Variants in CDH12 observed in about 807,000 individuals in gnomAD.
CDH12 encodes the protein cadherin-12.
In CDH12, 41 loss-of-function variants were observed where a neutral mutation model predicts 74.1. That is an observed-to-expected ratio of 0.55 (90% CI 0.43 to 0.72). The LOEUF is 0.72. CDH12 is among the 30% of genes least tolerant of loss of function. The pLI is 0.00. For synonymous variants in CDH12, 399 were observed against 355.0 expected, an observed-to-expected ratio of 1.12 and a Z score of -1.39; for missense variants, 945 against 977.2, an observed-to-expected ratio of 0.97 and a Z score of 0.44.
intron 1 of CDH12, among the ~76,000 whole-genome samples, chr5:22,721,585 G>A (rs1271157762): frequency 6.6e-6 from 1 of 152,152 alleles, no homozygotes; most frequent in Non-Finnish European, 1.5e-5. Flanking sequence ...TGAGACTTTG[G>A]AGGACTGTTG....
intron 1 of CDH12, among the ~76,000 whole-genome samples, chr5:22,818,464 C>T (rs563854881): frequency 6.6e-6 from 1 of 152,164 alleles, no homozygotes; most frequent in East Asian, 1.9e-4. Context: ...AAACAGTGTG[C>T]TTATTTTCCC....
chr5:21,832,919 A>G (rs56340265), intron 8 of CDH12, among the ~76,000 whole-genome samples: 8 of 65,700 alleles, frequency 1.2e-4, no homozygotes, highest in African/African-American at 6.6e-4. Flanking sequence ...ATATAATATT[A>G]ATATATATCA....
chr5:22,270,270 T>C (rs1288240237), intron 3 of CDH12, among the ~76,000 whole-genome samples: 3 of 152,168 alleles, frequency 2.0e-5, no homozygotes, highest in Non-Finnish European at 4.4e-5. Flanking sequence ...ACTTGAAGTA[T>C]AGTTTATGCC....
chr5:21,762,133 T>G (rs1744760748), intron 12 of CDH12, among the ~76,000 whole-genome samples: 1 of 152,192 alleles, frequency 6.6e-6, no homozygotes, highest in Non-Finnish European at 1.5e-5. Flanking sequence ...GTTATCCTTC[T>G]GTTATAAACT....
chr5:22,026,789 C>T lies in CDH12; in HGVS notation c.232-51404G>A, dbSNP rs139898846. On this transcript the variant is annotated intron_variant, in intron 5 of 14. Transcript: ENST00000382254. ...TGAGTTTCTATTTACTTACACTCCA[C>T]AATAAAGTTTCTACACTTTCACTTT... Among the ~76,000 whole-genome samples, 126 of 152,248 alleles carry T rather than the reference C, an allele frequency of 8.3e-4. 2 individuals are homozygous for T. The East Asian group carries it at 0.021, about 26-fold the overall frequency.
intron 4 of CDH12, among the ~76,000 whole-genome samples, chr5:22,089,285 G>A (rs1288621508): frequency 2.0e-5 from 3 of 152,112 alleles, no homozygotes; most frequent in Non-Finnish European, 4.4e-5. Context: ...TTAGAATATA[G>A]TATTTATAAA....
At position 22,517,089 on chromosome 5, in the gene CDH12, A is replaced by G. The variant is rs112115443; in HGVS notation, c.-522-11725T>C. Reference sequence around the variant, plus strand: ...TTATATATCAGTAGGAGAATATAATATACATTTTAAAAACAGACCATTAGA... The same window carrying G: ...TTATATATCAGTAGGAGAATATAATGTACATTTTAAAAACAGACCATTAGA... On this transcript the variant is annotated intron_variant, in intron 1 of 14. Coordinates refer to ENST00000382254, the MANE Select transcript of CDH12 (RefSeq NM_004061.5). Among the ~76,000 whole-genome samples, 941 of 152,176 alleles carry G rather than the reference A, an allele frequency of 6.2e-3. 10 individuals carry two copies. Among genetic ancestry groups the G allele is most frequent in the African/African-American group, 0.021 (874 of 41,566 alleles).
intron 1 of CDH12, among the ~76,000 whole-genome samples, chr5:22,754,542 G>C (rs1335782511): frequency 7.1e-6 from 1 of 141,236 alleles, no homozygotes; most frequent in Non-Finnish European, 1.5e-5. Flanking sequence ...AGGAAAGCAG[G>C]AGAGAGGGAA....
chr5:22,426,223 G>A (rs997628713), intron 2 of CDH12, among the ~76,000 whole-genome samples: 11 of 148,116 alleles, frequency 7.4e-5, no homozygotes, highest in Admixed American at 7.4e-4. Context: ...ATACATAAAA[G>A]CTACTATCTT....
At chr5:22,684,509 G>A (rs1741658147) in intron 1 of CDH12, among the ~76,000 whole-genome samples, 1 of 152,164 alleles carries the variant, frequency 6.6e-6, no homozygotes, top group Admixed American at 6.5e-5. Context: ...TGATTGTGAA[G>A]TCAAAGTGAG....
chr5:22,697,586 A>G (rs559575993), intron 1 of CDH12, among the ~76,000 whole-genome samples: 250 of 151,462 alleles, frequency 1.7e-3, no homozygotes, highest in Non-Finnish European at 2.4e-3. Context: ...AAAAAAAAAA[A>G]AAAGAAAGAA....
chr5:22,519,112 A>T (rs1219408463), intron 1 of CDH12, among the ~76,000 whole-genome samples: 1 of 152,134 alleles, frequency 6.6e-6, no homozygotes, highest in Non-Finnish European at 1.5e-5. Flanking sequence ...ATGTCAGACC[A>T]GATTGGGGTG....
At chr5:22,246,046 C>A (rs1209272385) in intron 3 of CDH12, among the ~76,000 whole-genome samples, 1 of 152,050 alleles carries the variant, frequency 6.6e-6, no homozygotes, top group Non-Finnish European at 1.5e-5. Context: ...GAAGGTTTAT[C>A]CTGATGTTCC....
At chr5:22,619,378 C>T (rs184855106) in intron 1 of CDH12, among the ~76,000 whole-genome samples, 1 of 152,178 alleles carries the variant, frequency 6.6e-6, no homozygotes, top group African/African-American at 2.4e-5. Flanking sequence ...AGGTCAGTTC[C>T]TGCTGATTTT....
Position 22,763,124 on chromosome 5 carries a change from A to G in CDH12, c.-523+89934T>C, listed in dbSNP as rs547557921. On this transcript the variant is annotated intron_variant, in intron 1 of 14. Transcript: ENST00000382254. Reference sequence around the variant, plus strand: ...TGTTGTTTTGGAGAGTTAAAATTTGACAGTCTACTGACTTTTCATAACGGA... The same window carrying G: ...TGTTGTTTTGGAGAGTTAAAATTTGGCAGTCTACTGACTTTTCATAACGGA... Among the ~76,000 whole-genome samples, 8 of 152,116 alleles carry G rather than the reference A, an allele frequency of 5.3e-5. No homozygotes were observed. The South Asian group carries it at 1.7e-3, about 32-fold the overall frequency.
intron 6 of CDH12, 146 bp from the exon 7 acceptor site, chr5:21,854,936 C>A (rs898826232): frequency 9.0e-6 from 5 of 555,970 alleles, no homozygotes; most frequent in Non-Finnish European, 1.5e-5. Context: ...GATAGTTTAA[C>A]CGTTATAACC....
chr5:22,596,686 T>C (rs963082710), intron 1 of CDH12, among the ~76,000 whole-genome samples: 2 of 152,186 alleles, frequency 1.3e-5, no homozygotes, highest in Non-Finnish European at 2.9e-5. Context: ...CACATGATCT[T>C]AGCAAACCTG....
At chr5:22,157,951 T>G (rs1580338731) in intron 4 of CDH12, among the ~76,000 whole-genome samples, 2 of 152,052 alleles carry the variant, frequency 1.3e-5, no homozygotes, top group East Asian at 3.9e-4. Context: ...GAGATTCAAA[T>G]GTAATAATTT....
intron 6 of CDH12, among the ~76,000 whole-genome samples, chr5:21,940,406 A>T (rs563229062): frequency 6.6e-6 from 1 of 152,314 alleles, no homozygotes; most frequent in South Asian, 2.1e-4. Flanking sequence ...ATATCATTTT[A>T]TAATTTACAC....
Sources: allele counts gnomAD v4.1 joint callset (sites outside exome capture counted in the v4.1 genomes callset), GRCh38; gene constraint gnomAD v4.1.1; transcripts MANE v1.5; gene names NCBI Gene and HGNC (gene_info 2026-07-23, HGNC 2026-07-21).